The following SCD5 variants were observed in gnomAD, a reference collection of about 807,000 sequenced individuals.
SCD5 encodes stearoyl-CoA desaturase 5.
Under a neutral mutation model 30.4 loss-of-function variants are expected in SCD5, and 20 were observed. That is an observed-to-expected ratio of 0.66 (90% CI 0.46 to 0.96). The LOEUF is 0.96. Ranked by LOEUF, SCD5 falls within the 40% of genes least tolerant of loss-of-function variation. The pLI, the probability that SCD5 is intolerant of heterozygous loss-of-function variation, is 0.00. For synonymous variants in SCD5, 173 were observed against 176.4 expected, an observed-to-expected ratio of 0.98 and a Z score of 0.16; for missense variants, 381 against 443.3, an observed-to-expected ratio of 0.86 and a Z score of 1.26.
chr4:82,783,848 G>A (rs917531424), intron 1 of SCD5, among the ~76,000 whole-genome samples: 1 of 149,302 alleles, frequency 6.7e-6, no homozygotes. Context: ...AAAAGAAAAA[G>A]ATTTTTTAAA....
At chr4:82,758,583 T>C (rs1721279467) in intron 1 of SCD5, among the ~76,000 whole-genome samples, 1 of 152,046 alleles carries the variant, frequency 6.6e-6, no homozygotes, top group Non-Finnish European at 1.5e-5. Flanking sequence ...ACATATGAAT[T>C]TGAGGGACGT....
In SCD5 at chr4:82,629,858, C is replaced by T. The variant is rs1006730801; in HGVS notation, c.*1469G>A. On this transcript the variant is annotated 3_prime_UTR_variant, in exon 5 of 5. Coordinates refer to ENST00000319540, the MANE Select transcript of SCD5 (RefSeq NM_001037582.3). Reference sequence around the variant, plus strand: ...ACAAATTTTTTTAATCCAGAAGCTACATAATGATCACTTTATATTTTGCTA... The same window carrying T: ...ACAAATTTTTTTAATCCAGAAGCTATATAATGATCACTTTATATTTTGCTA... The T allele has an allele frequency of 6.6e-6, 1 of 152,150 alleles. No homozygotes were observed. The highest frequency in any genetic ancestry group is 1.5e-5 in the Non-Finnish European group (1 of 68,028). 9.4% of individuals were successfully genotyped at this position (152,150 alleles called of 1,614,324 possible). A position where few individuals can be genotyped will look rare whatever the true frequency, so the allele number is the denominator to read the frequency against.
intron 3 of SCD5, among the ~76,000 whole-genome samples, chr4:82,666,440 C>CGGGAGGCGGAGCTTGCA (rs1204143671): frequency 2.0e-5 from 3 of 151,630 alleles, no homozygotes; most frequent in African/African-American, 7.3e-5. Context: ...GGCGTGAACC[C>CGGGAGGCGGAGCTTGCA]GGGAGGCGGA....
At chr4:82,729,247 T>C (rs1720574667) in intron 1 of SCD5, among the ~76,000 whole-genome samples, 1 of 152,118 alleles carries the variant, frequency 6.6e-6, no homozygotes. Flanking sequence ...AGGCAGACGA[T>C]TCATTTTGGG....
rs368631128 is a variant in SCD5 at position 82,660,907 on chromosome 4, C to T, written c.569+19800G>A. ...TACCTCCAGGGACACAGAAAGAGCACGCAGCATCAAGCAGCACTTTTCGGA... is the reference window on the plus strand; with the variant it reads ...TACCTCCAGGGACACAGAAAGAGCATGCAGCATCAAGCAGCACTTTTCGGA... On this transcript the variant is annotated intron_variant, in intron 3 of 4. Transcript: ENST00000319540. 60 of 1,614,062 alleles carry T rather than the reference C, an allele frequency of 3.7e-5. 1 individual carries two copies. The highest frequency in any genetic ancestry group is 3.3e-4 in the African/African-American group (25 of 75,020).
rs11463790 is a variant in SCD5, at chr4:82,741,859, G to GC, written c.233-36447_233-36446insG. 3.3e-4 allele frequency among the ~76,000 whole-genome samples: 47 copies of GC among 142,654 alleles called. No individual in the cohort carries two copies. In the East Asian group the frequency reaches 5.6e-3, roughly 17 times the overall value. 93.6% of individuals were successfully genotyped at this position (142,654 alleles called of 152,430 possible). ...GAAAAGGGGTCAGAGTGGGCGGGGG[G>GC]GGGGAGTGGGCAGATAGGTGAAGAG... On this transcript the variant is annotated intron_variant, in intron 1 of 4. Coordinates refer to ENST00000319540, the MANE Select transcript of SCD5 (RefSeq NM_001037582.3).
intron 1 of SCD5, among the ~76,000 whole-genome samples, chr4:82,717,160 TA>T (rs1720245523): frequency 6.6e-6 from 1 of 151,830 alleles, no homozygotes; most frequent in Admixed American, 6.5e-5. Flanking sequence ...AATATTTCAA[TA>T]AATATTACTG....
Position 82,630,846 on chromosome 4 carries a change from C to A in SCD5, c.*481G>T, listed in dbSNP as rs766693442. 1.3e-5 allele frequency: 2 copies of A among 150,956 alleles called. No individual in the cohort carries two copies. Among genetic ancestry groups the A allele is most frequent in the Admixed American group, 1.3e-4 (2 of 15,078 alleles). The allele number at this position is 150,956 out of a possible 1,614,324, so 9.4% of individuals were successfully genotyped here. A position where few individuals can be genotyped will look rare whatever the true frequency, so the allele number is the denominator to read the frequency against. Reference sequence around the variant, plus strand: ...TTTTTCGGCAGGGTGCGGTGGCTCACGCCTGTAATCCCAGCTCTTTGGGAG... The same window carrying A: ...TTTTTCGGCAGGGTGCGGTGGCTCAAGCCTGTAATCCCAGCTCTTTGGGAG... On this transcript the variant is annotated 3_prime_UTR_variant, in exon 5 of 5. Coordinates refer to ENST00000319540, the MANE Select transcript of SCD5 (RefSeq NM_001037582.3).
intron 1 of SCD5, among the ~76,000 whole-genome samples, chr4:82,794,898 G>A (rs1048026396): frequency 2.6e-5 from 4 of 152,094 alleles, no homozygotes; most frequent in Admixed American, 6.6e-5. Context: ...TGATCAGCCC[G>A]CCTCGGCCTC....
chr4:82,705,966 C>CT (rs1182293708), intron 1 of SCD5, among the ~76,000 whole-genome samples: 7 of 152,202 alleles, frequency 4.6e-5, no homozygotes, highest in African/African-American at 1.7e-4. Flanking sequence ...ACCCTTAACT[C>CT]TAAGAATAAA....
rs1310833020 is a variant in SCD5, at chr4:82,712,311, TA to T, written c.233-6899del. 4.7e-4 allele frequency among the ~76,000 whole-genome samples: 20 copies of T among 42,948 alleles called. 1 individual carries two copies. The highest frequency in any genetic ancestry group is 1.4e-3 in the East Asian group (3 of 2,096). 28.2% of individuals were successfully genotyped at this position (42,948 alleles called of 152,430 possible). On this transcript the variant is annotated intron_variant, in intron 1 of 4. Coordinates refer to ENST00000319540, the MANE Select transcript of SCD5 (RefSeq NM_001037582.3). Reference sequence around the variant, plus strand: ...ATATATATATATTTTATTTTTATTTTATTTTTTTTTTTTGAGATGAAGTCTC... The same window carrying T: ...ATATATATATATTTTATTTTTATTTTTTTTTTTTTTTTGAGATGAAGTCTC...
Position 82,680,888 on chromosome 4 carries a change from C to A in SCD5, c.388G>T (p.Asp130Tyr), listed in dbSNP as rs1424561144. The stretch of plus-strand genomic sequence containing the variant: ...GAGTACTTGTGGTGGGCTCGGTGGT[C>A]CCTGGACCACTCGAAGATGTCATTC... ...FQNDIFEWSR[D>Y]HRAHHKYSET... Residue 130 changes from aspartate (D) to tyrosine (Y), a missense_variant, in exon 3 of 5, where the codon GAC becomes TAC. Physicochemically the swap from Asp to Tyr is radical, Grantham distance 160. Transcript: ENST00000319540. The A allele has an allele frequency of 1.2e-6, 2 of 1,612,722 alleles. No homozygotes were observed. Among genetic ancestry groups the A allele is most frequent in the East Asian group, 4.5e-5 (2 of 44,864 alleles).
At chr4:82,664,069 T>A (rs28418575) in intron 3 of SCD5, among the ~76,000 whole-genome samples, 51,202 of 151,936 alleles carry the variant, frequency 0.34, 9,400 homozygotes, top group African/African-American at 0.49. Flanking sequence ...AGTCCACCCT[T>A]TGTGTAGGAG....
At chr4:82,656,082 A>T (rs6850132) in intron 3 of SCD5, among the ~76,000 whole-genome samples, 3 of 151,932 alleles carry the variant, frequency 2.0e-5, no homozygotes, top group South Asian at 2.1e-4. Flanking sequence ...AGCTTTGATA[A>T]GACTACTTAT....
chr4:82,719,175 G>A (rs1560543092), intron 1 of SCD5, among the ~76,000 whole-genome samples: 1 of 151,646 alleles, frequency 6.6e-6, no homozygotes, highest in Non-Finnish European at 1.5e-5. Context: ...GAAAGATCTG[G>A]CAATGTCAGG....
At chr4:82,733,814 T>C (rs955557577) in intron 1 of SCD5, among the ~76,000 whole-genome samples, 15 of 152,162 alleles carry the variant, frequency 9.9e-5, no homozygotes, top group Admixed American at 9.8e-4. Context: ...TGAAAGCAGA[T>C]GGTGGTGACT....
chr4:82,659,915 T>A (rs1223098734), intron 3 of SCD5: 1 of 151,796 alleles, frequency 6.6e-6, no homozygotes, highest in East Asian at 1.9e-4. Flanking sequence ...GTGTGCTGTA[T>A]TCAGGAGACC....
intron 1 of SCD5, among the ~76,000 whole-genome samples, chr4:82,769,209 T>C (rs1293658798): frequency 2.0e-5 from 3 of 151,876 alleles, no homozygotes; most frequent in Non-Finnish European, 4.4e-5. Flanking sequence ...TCCCAGCCAC[T>C]GCCCTGAGAT....
chr4:82,762,528 C>T (rs910434516), intron 1 of SCD5, among the ~76,000 whole-genome samples: 1 of 152,324 alleles, frequency 6.6e-6, no homozygotes, highest in African/African-American at 2.4e-5. Flanking sequence ...CAGGCGTGAG[C>T]CATTGCATCC....
Sources: gnomAD v4.1 joint callset for allele counts (sites outside exome capture counted in the v4.1 genomes callset) on GRCh38, gnomAD v4.1.1 for gene constraint, MANE v1.5 for transcripts, NCBI Gene and HGNC (gene_info 2026-07-23, HGNC 2026-07-21) for gene names.